HAT1: variants seen among roughly 807,000 people sequenced by gnomAD.
The protein encoded by HAT1 is histone acetyltransferase 1, also known as histone acetyltransferase type B catalytic subunit.
In HAT1, 20 loss-of-function variants were observed where a neutral mutation model predicts 56.6. The ratio of observed to expected loss-of-function variants is 0.35; its 90% CI spans 0.25 to 0.51. The LOEUF is 0.51. HAT1 is among the 20% of genes least tolerant of loss of function. HAT1 has a pLI of 0.95. For synonymous variants in HAT1, 146 were observed against 165.5 expected (o/e 0.88, Z 0.91); for missense variants, 408 against 504.3 (o/e 0.81, Z 1.83).
intron 4 of HAT1, among the ~76,000 whole-genome samples, chr2:171,953,600 G>A (rs1351002779): frequency 5.5e-5 from 6 of 108,548 alleles, no homozygotes; most frequent in African/African-American, 1.8e-4. Flanking sequence ...ACTCCAGCCC[G>A]GGCAACAGAA....
chr2:171,928,043 C>G (rs1232330175), intron 2 of HAT1, among the ~76,000 whole-genome samples: 1 of 152,154 alleles, frequency 6.6e-6, no homozygotes, highest in Non-Finnish European at 1.5e-5. Flanking sequence ...CCCGTCACCA[C>G]ACCCAGCTGA....
intron 10 of HAT1, among the ~76,000 whole-genome samples, chr2:171,981,439 AATTT>A (rs1290148864): frequency 6.6e-6 from 1 of 152,168 alleles, no homozygotes; most frequent in Admixed American, 6.5e-5. Context: ...ATTTAAAGAA[AATTT>A]AAGTTTTATT....
chr2:171,978,579 C>CTGAG (rs10560944), intron 9 of HAT1, among the ~76,000 whole-genome samples: 34,290 of 151,844 alleles, frequency 0.23, 4,856 homozygotes, highest in African/African-American at 0.38. Context: ...ACATCCTTCT[C>CTGAG]TCAGTTTTTC....
chr2:171,954,430 A>G (rs1350954354), intron 4 of HAT1, among the ~76,000 whole-genome samples: 1 of 152,170 alleles, frequency 6.6e-6, no homozygotes, highest in Non-Finnish European at 1.5e-5. Flanking sequence ...TCATGCCTGT[A>G]ATCCTATCAC....
chr2:171,983,236 C>T lies in HAT1; in HGVS notation c.1144C>T (p.Leu382=), dbSNP rs1014046715. ...KMRKCLRPEE[L]TNQMNQIEIS... is the part of the protein sequence containing the mutation. ...GAGAAAATGTCTCAGACCAGAAGAA[C>T]TGACAAACCAGATGAACCAAATAGA... The change falls in exon 11 of 11, where the codon CTG becomes TTG. Residue 382 remains leucine (L), a synonymous_variant. Coordinates refer to ENST00000264108, the MANE Select transcript of HAT1 (RefSeq NM_003642.4). 1.2e-6 allele frequency: 2 copies of T among 1,604,094 alleles called. No homozygotes were observed. The highest frequency in any genetic ancestry group is 4.5e-5 in the East Asian group (2 of 44,752).
chr2:171,945,040 T>G (rs189709938), intron 2 of HAT1, among the ~76,000 whole-genome samples: 6 of 152,154 alleles, frequency 3.9e-5, no homozygotes, highest in African/African-American at 1.4e-4. Flanking sequence ...CCTGGCTAAT[T>G]TTTGTATTTT....
chr2:171,972,970 G>A lies in HAT1; in HGVS notation c.824-3187G>A, dbSNP rs150668583. ...CAGATTCAGTTGTGTGACCTTTCTG[G>A]TTATCTATGGCATCCAATTGGGGTT... is the stretch of plus-strand genomic sequence containing the variant. On this transcript the variant is annotated intron_variant, in intron 8 of 10. Transcript: ENST00000264108. Among the ~76,000 whole-genome samples the A allele has an allele frequency of 2.2e-3, 338 of 152,220 alleles. 5 individuals carry two copies. The East Asian group carries it at 0.03, about 14-fold the overall frequency.
chr2:171,966,880 C>T lies in HAT1; in HGVS notation c.754C>T (p.His252Tyr). Residue 252 changes from histidine (H) to tyrosine (Y), a missense_variant, in exon 8 of 11, where the codon CAT (histidine) becomes TAT (tyrosine). By Grantham distance (83) the His-to-Tyr change is moderately conservative. Coordinates refer to ENST00000264108, the MANE Select transcript of HAT1 (RefSeq NM_003642.4). ...LILTPFQGQG[H>Y]GAQLLETVHR... ...TTTGACTCCATTTCAAGGTCAAGGC[C>T]ATGGTGCTCAACTTCTTGAAACAGT... is the stretch of plus-strand genomic sequence containing the variant. The T allele has an allele frequency of 2.5e-6, 4 of 1,593,656 alleles. No individual in the cohort carries two copies. The highest frequency in any genetic ancestry group is 3.4e-6 in the Non-Finnish European group (4 of 1,162,122).
chr2:171,953,626 T>TAAAAAAAAAAAAAAAAAAAAA lies in HAT1; in HGVS notation c.309+634_309+654dup, dbSNP rs587686867. Among the ~76,000 whole-genome samples the TAAAAAAAAAAAAAAAAAAAAA allele has an allele frequency of 1.9e-4, 16 of 84,606 alleles. 1 individual carries two copies. Among genetic ancestry groups the TAAAAAAAAAAAAAAAAAAAAA allele is most frequent in the Admixed American group, 4.9e-4 (3 of 6,084 alleles). The allele number at this position is 84,606 out of a possible 152,430, so 55.5% of individuals were successfully genotyped here. A position where few individuals can be genotyped will look rare whatever the true frequency, so the allele number is the denominator to read the frequency against. On this transcript the variant is annotated intron_variant, in intron 4 of 10. Coordinates refer to ENST00000264108, the MANE Select transcript of HAT1 (RefSeq NM_003642.4). ...GGCAACAGAACAAGACCCTGTCTCTTAAAAAAAAAAAAAAAAAAAAAAAAA... is the reference window on the plus strand; with the variant it reads ...GGCAACAGAACAAGACCCTGTCTCTTAAAAAAAAAAAAAAAAAAAAAAAAAAAAAAAAAAAAAAAAAAAAAA...
At chr2:171,973,707 C>T (rs1309262755) in intron 8 of HAT1, among the ~76,000 whole-genome samples, 2 of 152,160 alleles carry the variant, frequency 1.3e-5, no homozygotes, top group Non-Finnish European at 2.9e-5. Flanking sequence ...GGATGTAGGT[C>T]GAATCTAACT....
intron 9 of HAT1, among the ~76,000 whole-genome samples, chr2:171,977,746 C>A (rs1456565489): frequency 6.6e-6 from 1 of 151,090 alleles, no homozygotes; most frequent in Non-Finnish European, 1.5e-5. Flanking sequence ...TAGCCATTTC[C>A]CAACTCTGCC....
At position 171,938,024 on chromosome 2, in the gene HAT1, T is replaced by TTCTCTCTCTCTCTC. The variant is rs374402453; in HGVS notation, c.113-8646_113-8633dup. 1.0e-2 allele frequency among the ~76,000 whole-genome samples: 1,047 copies of TTCTCTCTCTCTCTC among 104,756 alleles called. 30 individuals are homozygous for TTCTCTCTCTCTCTC. Among genetic ancestry groups the TTCTCTCTCTCTCTC allele is most frequent in the East Asian group, 0.016 (45 of 2,884 alleles). The allele number at this position is 104,756 out of a possible 152,430, so 68.7% of individuals were successfully genotyped here. A position where few individuals can be genotyped will look rare whatever the true frequency, so the allele number is the denominator to read the frequency against. On this transcript the variant is annotated intron_variant, in intron 2 of 10. Transcript: ENST00000264108. ...ATCTATCTATCTGTCTGTCTACTGA[T>TTCTCTCTCTCTCTC]TCTCTCTCTCTCTCTCTCTCTCTCT...
At chr2:171,968,188 A>T (rs1457154577) in intron 8 of HAT1, among the ~76,000 whole-genome samples, 3 of 152,146 alleles carry the variant, frequency 2.0e-5, no homozygotes, top group Non-Finnish European at 4.4e-5. Flanking sequence ...CTTCGTTTAT[A>T]ACAAAAGTTA....
intron 10 of HAT1, among the ~76,000 whole-genome samples, chr2:171,982,730 TA>T (rs1688164356): frequency 6.6e-6 from 1 of 152,256 alleles, no homozygotes; most frequent in Admixed American, 6.5e-5. Flanking sequence ...CAGTTTATGT[TA>T]AAATTAGCAT....
At chr2:171,944,523 C>CT (rs912232939) in intron 2 of HAT1, among the ~76,000 whole-genome samples, 17 of 152,156 alleles carry the variant, frequency 1.1e-4, no homozygotes, top group Non-Finnish European at 1.9e-4. Flanking sequence ...TACACATGGA[C>CT]TTTTTTTCCT....
intron 4 of HAT1, among the ~76,000 whole-genome samples, chr2:171,953,931 G>A (rs1687376570): frequency 6.6e-6 from 1 of 152,102 alleles, no homozygotes; most frequent in African/African-American, 2.4e-5. Context: ...GGAGGCAGAG[G>A]TTGCAGTGAG....
intron 3 of HAT1, among the ~76,000 whole-genome samples, chr2:171,952,668 T>C (rs1687336760): frequency 6.6e-6 from 1 of 152,248 alleles, no homozygotes; most frequent in South Asian, 2.1e-4. Context: ...TATTAACTTA[T>C]TTAACCCAAA....
intron 1 of HAT1, chr2:171,923,307 C>G (rs1306138017): frequency 6.6e-6 from 1 of 152,150 alleles, no homozygotes; most frequent in East Asian, 1.9e-4. Context: ...CTCTCTGTCG[C>G]CCAGGCTGGA....
chr2:171,951,423 T>G (rs1687304869), intron 3 of HAT1, among the ~76,000 whole-genome samples: 1 of 152,012 alleles, frequency 6.6e-6, no homozygotes, highest in Admixed American at 6.6e-5. Context: ...AGATAGTGCT[T>G]CTTTTTAATT....
Sources: gnomAD v4.1 joint callset for allele counts (sites outside exome capture counted in the v4.1 genomes callset) on GRCh38, gnomAD v4.1.1 for gene constraint, MANE v1.5 for transcripts, NCBI Gene and HGNC (gene_info 2026-07-23, HGNC 2026-07-21) for gene names.